The following NR1I3 variants were observed in gnomAD, a reference collection of about 807,000 sequenced individuals.
The protein encoded by NR1I3 is nuclear receptor subfamily 1 group I member 3.
NR1I3 carries 30 observed loss-of-function variants against 38.4 expected under a neutral mutation model. The observed-to-expected ratio is 0.78, with a 90% CI of 0.58 to 1.06. The LOEUF (loss-of-function observed/expected upper bound fraction) is 1.06. Ranked by LOEUF, NR1I3 falls within the 50% of genes least tolerant of loss-of-function variation. The pLI, the probability that NR1I3 is intolerant of heterozygous loss-of-function variation, is 0.00. For missense variants in NR1I3, 388 were observed against 435.7 expected (o/e 0.89, Z 0.97); for synonymous variants, 143 against 165.1 (o/e 0.87, Z 1.03).
In NR1I3 at chr1:161,232,817, G is replaced by A; in HGVS notation, c.538C>T (p.Pro180Ser). 1.2e-6 allele frequency: 2 copies of A among 1,614,220 alleles called. No homozygotes were observed. The highest frequency in any genetic ancestry group is 1.7e-6 in the Non-Finnish European group (2 of 1,180,016). ...GGGGAGGTCACTCACCGGAAGACGG[G>A]CAGGTCCTTAGTAAACTTGATGACT... ...LQVIKFTKDL[P>S]VFRSLPIEDQ... is the part of the protein sequence containing the mutation. Residue 180 changes from proline (P) to serine (S), a missense_variant, in exon 5 of 9, where the codon CCC becomes TCC. Physicochemically the swap from Pro to Ser is moderately conservative, Grantham distance 74 (BLOSUM62 -1). Transcript: ENST00000367983.
intron 5 of NR1I3, among the ~76,000 whole-genome samples, chr1:161,232,589 C>T (rs1184362541): frequency 6.6e-6 from 1 of 152,172 alleles, no homozygotes; most frequent in African/African-American, 2.4e-5. Context: ...TGAGCCACTG[C>T]GCGGCACCTC....
intron 5 of NR1I3, 33 bp from the exon 6 acceptor site, chr1:161,231,507 A>T: frequency 5.4e-6 from 7 of 1,284,720 alleles, no homozygotes; most frequent in East Asian, 2.9e-5. Context: ...ACACTTTTCA[A>T]TTTTTTTTTT....
In NR1I3 at chr1:161,231,181, T is replaced by C; in HGVS notation, c.747A>G (p.Leu249=). 1 of 1,614,078 alleles carries C rather than the reference T, an allele frequency of 6.2e-7. No individual in the cohort carries two copies. Among genetic ancestry groups the C allele is most frequent in the Non-Finnish European group, 8.5e-7 (1 of 1,180,020 alleles). The part of the protein sequence containing the change: ...LELLFHFHGT[L]RKLQLQEPEY... ...CAGGCTCTTGGAGCTGCAGTTTTCGTAGTGTTCCATGGAAGTGAAAGAGCA... is the reference window on the plus strand; with the variant it reads ...CAGGCTCTTGGAGCTGCAGTTTTCGCAGTGTTCCATGGAAGTGAAAGAGCA... The change falls in exon 7 of 9, where the codon CTA becomes CTG. Residue 249 remains leucine (L), a synonymous_variant. Transcript: ENST00000367983.
intron 3 of NR1I3, among the ~76,000 whole-genome samples, chr1:161,234,889 G>T (rs1440130014): frequency 6.6e-6 from 1 of 152,080 alleles, no homozygotes; most frequent in East Asian, 1.9e-4. Flanking sequence ...CCTGTAATCT[G>T]AGCACTTTGG....
chr1:161,233,140 A>T, intron 4 of NR1I3, 29 bp downstream of exon 4: 19 of 1,608,776 alleles, frequency 1.2e-5, no homozygotes, highest in Non-Finnish European at 1.6e-5. Flanking sequence ...TTTTAGTTGT[A>T]TTCCAACCCA....
At chr1:161,237,930 C>G (rs1026659149) in intron 1 of NR1I3, 111 bp downstream of exon 1, 3 of 1,041,238 alleles carry the variant, frequency 2.9e-6, no homozygotes, top group African/African-American at 3.1e-5. Context: ...GCGATCCCCC[C>G]ACCTTGGCCT....
chr1:161,230,733 A>G (rs768193059), intron 8 of NR1I3, 80 bp downstream of exon 8: 4 of 1,594,836 alleles, frequency 2.5e-6, no homozygotes, highest in Non-Finnish European at 3.4e-6. Context: ...ACAGTAAAAA[A>G]ACATTCCTCC....
rs1258143716 is a variant in NR1I3, at chr1:161,229,930, T to G, written c.918-4A>C. 1 of 1,614,024 alleles carries G rather than the reference T, an allele frequency of 6.2e-7. No individual in the cohort carries two copies. Among genetic ancestry groups the G allele is most frequent in the Non-Finnish European group, 8.5e-7 (1 of 1,180,014 alleles). On this transcript the variant is annotated splice_region_variant and splice_polypyrimidine_tract_variant and intron_variant, in intron 8 of 8. Coordinates refer to ENST00000367983, the MANE Select transcript of NR1I3 (RefSeq NM_005122.5). ...TAGCAACTTCGCATACAGAAACCTT[T>G]GGAGGAAGTAGTGGGGTTGCCAGGA...
intron 3 of NR1I3, 71 bp from the exon 4 acceptor site, chr1:161,233,409 C>G (rs1667791437): frequency 1.3e-6 from 2 of 1,540,020 alleles, no homozygotes; most frequent in Admixed American, 1.7e-5. Context: ...GGTCCCTGAT[C>G]TGGGGCCCCT....
chr1:161,236,056 C>A lies in NR1I3; in HGVS notation c.108-79G>T, dbSNP rs2307422. On this transcript the variant is annotated intron_variant, in intron 2 of 8. Transcript: ENST00000367983. ...GCTGAGATGACATGGTCTAAAAGACCTGGGAATCTGGTGAAATGGACTAAT... is the reference window on the plus strand; with the variant it reads ...GCTGAGATGACATGGTCTAAAAGACATGGGAATCTGGTGAAATGGACTAAT... 1.1e-4 allele frequency: 159 copies of A among 1,482,336 alleles called. 2 individuals are homozygous for A. In the Middle Eastern group the frequency reaches 6.3e-3, roughly 59 times the overall value. 91.8% of individuals were successfully genotyped at this position (1,482,336 alleles called of 1,614,324 possible). A position where few individuals can be genotyped will look rare whatever the true frequency, so the allele number is the denominator to read the frequency against.
chr1:161,237,969 C>T (rs976979961), intron 1 of NR1I3, 72 bp downstream of exon 1: 8 of 1,441,766 alleles, frequency 5.5e-6, no homozygotes, highest in Non-Finnish European at 7.8e-6. Context: ...CACACGTGAG[C>T]CACTATGCCT....
rs151072324 is a variant in NR1I3 at position 161,230,486 on chromosome 1, G to A, written c.917+327C>T. On this transcript the variant is annotated intron_variant, in intron 8 of 8. Transcript: ENST00000367983. ...AGGCCAAGGGAAGAGAAAAGTCTGC[G>A]TTAGTCTGGAGAAGTTGGACTAGTG... 348 of 506,094 alleles carry A rather than the reference G, an allele frequency of 6.9e-4. 1 individual carries two copies. In the East Asian group the frequency reaches 8.7e-3, roughly 13 times the overall value. 31.4% of individuals were successfully genotyped at this position (506,094 alleles called of 1,614,324 possible).
At chr1:161,236,394 T>G (rs930551855) in intron 2 of NR1I3, 65 bp downstream of exon 2, 498 of 1,573,878 alleles carry the variant, frequency 3.2e-4, no homozygotes, top group East Asian at 2.1e-3. Flanking sequence ...CCAGCGAGGG[T>G]GTAAAGGCTG....
rs376555075 is a variant in NR1I3 at position 161,238,063 on chromosome 1, C to T, written c.-56G>A. On this transcript the variant is annotated 5_prime_UTR_variant, in exon 1 of 9. Coordinates refer to ENST00000367983, the MANE Select transcript of NR1I3 (RefSeq NM_005122.5). ...TACCTGCTTCTCTTAGGCAGCATGT[C>T]ACCTGCAGGCCACAGAATCTGGTAT... The T allele has an allele frequency of 5.6e-6, 9 of 1,613,880 alleles. No individual in the cohort carries two copies. Among genetic ancestry groups the T allele is most frequent in the Non-Finnish European group, 6.8e-6 (8 of 1,179,868 alleles).
At chr1:161,236,153 G>T in intron 2 of NR1I3, 176 bp from the exon 3 acceptor site, 1 of 740,970 alleles carries the variant, frequency 1.3e-6, no homozygotes, top group Non-Finnish European at 2.2e-6. Flanking sequence ...TGGCAACACA[G>T]GATCACTCCA....
At chr1:161,235,402 C>G (rs1459525981) in intron 3 of NR1I3, 1 of 154,244 alleles carries the variant, frequency 6.5e-6, no homozygotes, top group Non-Finnish European at 1.4e-5. Flanking sequence ...GTAGCTGGGA[C>G]TACAGGCGCC....
At position 161,229,978 on chromosome 1, in the gene NR1I3, T is replaced by C. The variant is rs745601476; in HGVS notation, c.918-52A>G. The C allele has an allele frequency of 3.7e-5, 60 of 1,606,378 alleles. 1 individual carries two copies. The highest frequency in any genetic ancestry group is 4.5e-5 in the East Asian group (2 of 44,848). On this transcript the variant is annotated intron_variant, in intron 8 of 8. Coordinates refer to ENST00000367983, the MANE Select transcript of NR1I3 (RefSeq NM_005122.5). ...GGAAAACAGGAGGGAAATAAGGCAG[T>C]TGGGAGTCTTGTCTCTAGGCCCTGA...
intron 3 of NR1I3, 141 bp downstream of exon 3, chr1:161,235,706 G>T: frequency 1.0e-6 from 1 of 984,046 alleles, no homozygotes; most frequent in Non-Finnish European, 1.5e-6. Flanking sequence ...GGGAGCCATT[G>T]GATGTCTTGA....
chr1:161,235,591 A>G, intron 3 of NR1I3: 2 of 379,280 alleles, frequency 5.3e-6, no homozygotes, highest in South Asian at 4.6e-5. Context: ...AATGACAGTG[A>G]AGTCAGTGTG....
Sources: gnomAD v4.1 joint callset for allele counts (sites outside exome capture counted in the v4.1 genomes callset) on GRCh38, gnomAD v4.1.1 for gene constraint, MANE v1.5 for transcripts, NCBI Gene and HGNC (gene_info 2026-07-23, HGNC 2026-07-21) for gene names.